FAF1: variants seen among roughly 807,000 people sequenced by gnomAD.
The protein encoded by FAF1 is FAS-associated factor 1.
Under a neutral mutation model 92.5 loss-of-function variants are expected in FAF1, and 25 were observed. The observed-to-expected ratio is 0.27, with a 90% CI of 0.20 to 0.38. The LOEUF is 0.38. FAF1 is among the 10% of genes least tolerant of loss of function. The pLI is 1.00. For synonymous variants in FAF1, 234 were observed against 273.2 expected (o/e 0.86, Z 1.42); for missense variants, 636 against 793.3 (o/e 0.80, Z 2.38).
At chr1:50,461,377 T>C (rs1392666245) in intron 18 of FAF1, 1 of 152,168 alleles carries the variant, frequency 6.6e-6, no homozygotes, top group Admixed American at 6.5e-5. Flanking sequence ...TTGGCCCTTA[T>C]AGACAAGACT....
chr1:50,717,159 C>T (rs1046687431), intron 6 of FAF1, among the ~76,000 whole-genome samples: 11 of 152,180 alleles, frequency 7.2e-5, no homozygotes, highest in South Asian at 2.1e-4. Flanking sequence ...GAACCAATTC[C>T]GGACACAATA....
At chr1:50,865,937 G>A (rs114670138) in intron 1 of FAF1, among the ~76,000 whole-genome samples, 1 of 150,344 alleles carries the variant, frequency 6.7e-6, no homozygotes, top group Admixed American at 6.7e-5. Flanking sequence ...AATTACAAAT[G>A]AAAGGGGAGA....
intron 8 of FAF1, among the ~76,000 whole-genome samples, chr1:50,632,043 T>A (rs964047479): frequency 2.6e-5 from 4 of 152,198 alleles, no homozygotes; most frequent in Non-Finnish European, 5.9e-5. Flanking sequence ...TTATCAGTAG[T>A]TTCAGGCATT....
intron 8 of FAF1, among the ~76,000 whole-genome samples, chr1:50,605,835 T>C (rs543285009): frequency 2.0e-5 from 3 of 152,386 alleles, no homozygotes; most frequent in South Asian, 2.1e-4. Flanking sequence ...ATTTGTTGAA[T>C]GTTATACTAA....
chr1:50,792,402 T>C (rs761998888), intron 3 of FAF1, among the ~76,000 whole-genome samples: 3 of 152,198 alleles, frequency 2.0e-5, no homozygotes, highest in Non-Finnish European at 4.4e-5. Context: ...CCCTAAGATA[T>C]GGAATGAGGA....
At chr1:50,914,384 C>T (rs2124725559) in intron 1 of FAF1, among the ~76,000 whole-genome samples, 1 of 152,336 alleles carries the variant, frequency 6.6e-6, no homozygotes, top group South Asian at 2.1e-4. Flanking sequence ...ATGCTACTCT[C>T]TAATTCTCTA....
At chr1:50,921,101 T>A (rs888023803) in intron 1 of FAF1, among the ~76,000 whole-genome samples, 6 of 152,214 alleles carry the variant, frequency 3.9e-5, no homozygotes, top group African/African-American at 1.2e-4. Context: ...AAAAGCCCAC[T>A]GTGTCCCCCA....
At chr1:50,886,652 G>T (rs1644668334) in intron 1 of FAF1, among the ~76,000 whole-genome samples, 1 of 151,962 alleles carries the variant, frequency 6.6e-6, no homozygotes, top group Non-Finnish European at 1.5e-5. Flanking sequence ...CCTTGCAATA[G>T]TTTGCTGAGA....
At chr1:50,472,839 T>C (rs897038891) in intron 18 of FAF1, among the ~76,000 whole-genome samples, 1 of 152,228 alleles carries the variant, frequency 6.6e-6, no homozygotes, top group Non-Finnish European at 1.5e-5. Flanking sequence ...CAGACACAGA[T>C]GGCTGTTACA....
At position 50,637,041 on chromosome 1, in the gene FAF1, T is replaced by C. The variant is rs74080036; in HGVS notation, c.744+18401A>G. Among the ~76,000 whole-genome samples, 1,168 of 152,222 alleles carry C rather than the reference T, an allele frequency of 7.7e-3. 13 individuals are homozygous for C. Among genetic ancestry groups the C allele is most frequent in the African/African-American group, 0.027 (1,129 of 41,562 alleles). ...TTCCTGAACACTCTATTTTACCTAT[T>C]GATTTATGTCTGTCTTTACACAAAT... On this transcript the variant is annotated intron_variant, in intron 8 of 18. Transcript: ENST00000396153.
At chr1:50,836,170 GTTTTTTTT>G (rs36053491) in intron 2 of FAF1, among the ~76,000 whole-genome samples, 1 of 98,526 alleles carries the variant, frequency 1.0e-5, no homozygotes, top group African/African-American at 4.3e-5. Context: ...TTTTGTTTCT[GTTTTTTTT>G]TTTTTTTTTT....
At chr1:50,568,656 G>A (rs893074863) in intron 12 of FAF1, among the ~76,000 whole-genome samples, 1 of 152,096 alleles carries the variant, frequency 6.6e-6, no homozygotes, top group African/African-American at 2.4e-5. Flanking sequence ...AGGAAACTGA[G>A]GTTTAGAAAG....
intron 7 of FAF1, among the ~76,000 whole-genome samples, chr1:50,677,731 C>T (rs1656189367): frequency 6.6e-6 from 1 of 151,762 alleles, no homozygotes; most frequent in African/African-American, 2.4e-5. Context: ...CCTGTCTCTA[C>T]TAAAAATACA....
chr1:50,643,341 T>G (rs77288530), intron 8 of FAF1, among the ~76,000 whole-genome samples: 3,584 of 152,230 alleles, frequency 0.024, 138 homozygotes, highest in African/African-American at 0.081. Flanking sequence ...GGTTTTTTTT[T>G]TGTGTGCTAC....
At chr1:50,586,818 A>T (rs1014031479) in intron 9 of FAF1, among the ~76,000 whole-genome samples, 4 of 152,230 alleles carry the variant, frequency 2.6e-5, no homozygotes, top group African/African-American at 7.2e-5. Context: ...GTAGTCAAAT[A>T]TCTGGAGAAT....
In FAF1 at chr1:50,439,620, CCTG is replaced by C. The variant is rs1261167816; in HGVS notation, c.*1817_*1819del. The C allele has an allele frequency of 1.3e-5, 2 of 152,142 alleles. No individual in the cohort carries two copies. Among genetic ancestry groups the C allele is most frequent in the East Asian group, 3.8e-4 (2 of 5,196 alleles). The allele number at this position is 152,142 out of a possible 1,614,324, so 9.4% of individuals were successfully genotyped here. ...CCTTCCCTCAAACCCCACCCACACC[CCTG>C]CTGCTGTTCCTGAGTATGACCTGAG... On this transcript the variant is annotated 3_prime_UTR_variant, in exon 19 of 19. Transcript: ENST00000396153.
intron 1 of FAF1, among the ~76,000 whole-genome samples, chr1:50,873,759 T>C (rs554213671): frequency 5.9e-5 from 9 of 152,312 alleles, no homozygotes; most frequent in African/African-American, 2.2e-4. Context: ...ACACTGCCTA[T>C]AGGTTAGCCC....
chr1:50,457,724 CAA>C (rs35479561), intron 18 of FAF1, among the ~76,000 whole-genome samples: 2 of 56,560 alleles, frequency 3.5e-5, no homozygotes, highest in South Asian at 6.7e-4. Flanking sequence ...CCCATCTCTG[CAA>C]AAAAAAAAAA....
intron 4 of FAF1, among the ~76,000 whole-genome samples, chr1:50,787,489 A>G (rs563332683): frequency 3.6e-4 from 55 of 152,336 alleles, no homozygotes; most frequent in African/African-American, 1.3e-3. Context: ...CGGATACAGC[A>G]TCAACGTGCC....
Sources: gnomAD v4.1 joint callset for allele counts (sites outside exome capture counted in the v4.1 genomes callset) on GRCh38, gnomAD v4.1.1 for gene constraint, MANE v1.5 for transcripts, NCBI Gene and HGNC (gene_info 2026-07-23, HGNC 2026-07-21) for gene names.